The following NKAIN2 variants were observed in gnomAD, a reference collection of about 807,000 sequenced individuals.
NKAIN2 encodes the protein sodium/potassium transporting ATPase interacting 2, also known as sodium/potassium-transporting ATPase subunit beta-1-interacting protein 2.
Under a neutral mutation model 32.6 loss-of-function variants are expected in NKAIN2, and 14 were observed. The observed-to-expected ratio is 0.43, with a 90% CI of 0.28 to 0.67. The LOEUF (loss-of-function observed/expected upper bound fraction) is 0.67, where lower values mean the gene tolerates loss of function less well. Ranked by LOEUF, NKAIN2 falls within the 30% of genes least tolerant of loss-of-function variation. NKAIN2 has a pLI of 0.17. For synonymous variants in NKAIN2, 80 were observed against 87.2 expected, an observed-to-expected ratio of 0.92 and a Z score of 0.46; for missense variants, 198 against 258.3, an observed-to-expected ratio of 0.77 and a Z score of 1.60.
intron 3 of NKAIN2, among the ~76,000 whole-genome samples, chr6:124,599,254 A>G (rs914494530): frequency 7.2e-5 from 11 of 151,746 alleles, no homozygotes; most frequent in Admixed American, 3.3e-4. Context: ...ACTCAAAAAA[A>G]AAGCAATAAG....
At chr6:124,696,131 G>A (rs1034431753) in intron 4 of NKAIN2, among the ~76,000 whole-genome samples, 9 of 152,268 alleles carry the variant, frequency 5.9e-5, no homozygotes, top group African/African-American at 1.9e-4. Flanking sequence ...CTCTGTGAGA[G>A]TCTTCAGGGA....
intron 1 of NKAIN2, among the ~76,000 whole-genome samples, chr6:123,916,400 G>C (rs1288199044): frequency 6.6e-6 from 1 of 151,928 alleles, no homozygotes; most frequent in Non-Finnish European, 1.5e-5. Context: ...TTAAAGGTGG[G>C]ATTAAAGCCA....
chr6:124,773,396 G>A (rs1249654736), intron 4 of NKAIN2, among the ~76,000 whole-genome samples: 1 of 152,060 alleles, frequency 6.6e-6, no homozygotes, highest in Admixed American at 6.6e-5. Flanking sequence ...GGAAAGGAAT[G>A]GTAGAATGGG....
chr6:124,048,434 G>C (rs1782247207), intron 1 of NKAIN2, among the ~76,000 whole-genome samples: 1 of 152,020 alleles, frequency 6.6e-6, no homozygotes, highest in Non-Finnish European at 1.5e-5. Context: ...GAGATCACAT[G>C]CTTTGTGTGT....
At chr6:124,623,777 T>C (rs538472353) in intron 3 of NKAIN2, among the ~76,000 whole-genome samples, 1 of 152,292 alleles carries the variant, frequency 6.6e-6, no homozygotes, top group South Asian at 2.1e-4. Context: ...TTGTTTTCCA[T>C]GGGTACTGTT....
chr6:124,296,367 G>A (rs754873916), intron 2 of NKAIN2, among the ~76,000 whole-genome samples: 7 of 151,974 alleles, frequency 4.6e-5, no homozygotes, highest in Non-Finnish European at 1.0e-4. Flanking sequence ...GACCTTATTC[G>A]ATAGTTATGG....
intron 3 of NKAIN2, among the ~76,000 whole-genome samples, chr6:124,656,776 A>C (rs1481881394): frequency 6.6e-6 from 1 of 152,130 alleles, no homozygotes; most frequent in Non-Finnish European, 1.5e-5. Flanking sequence ...ATGACAGCCC[A>C]CATCTGCTAC....
chr6:124,079,539 T>A (rs967041505), intron 1 of NKAIN2, among the ~76,000 whole-genome samples: 1 of 152,194 alleles, frequency 6.6e-6, no homozygotes, highest in Non-Finnish European at 1.5e-5. Context: ...GAAACAAGGA[T>A]ACATTATAAC....
chr6:124,582,048 G>A (rs113502553), intron 3 of NKAIN2, among the ~76,000 whole-genome samples: 101 of 145,672 alleles, frequency 6.9e-4, no homozygotes, highest in African/African-American at 2.4e-3. Flanking sequence ...CTGAAGAGAA[G>A]ACAATAAAAA....
intron 1 of NKAIN2, among the ~76,000 whole-genome samples, chr6:124,053,234 T>G (rs1782493358): frequency 1.3e-5 from 2 of 151,950 alleles, no homozygotes; most frequent in Admixed American, 1.3e-4. Context: ...TTCCTGATCC[T>G]CTCTTAAAAT....
At chr6:124,325,259 T>C (rs1583051265) in intron 2 of NKAIN2, among the ~76,000 whole-genome samples, 2 of 152,066 alleles carry the variant, frequency 1.3e-5, no homozygotes, top group East Asian at 3.9e-4. Context: ...TTCCAGAAAA[T>C]AGAAGAGGAG....
At chr6:124,654,146 T>C (rs1295651180) in intron 3 of NKAIN2, among the ~76,000 whole-genome samples, 1 of 152,138 alleles carries the variant, frequency 6.6e-6, no homozygotes, top group Non-Finnish European at 1.5e-5. Flanking sequence ...GAGCATGATA[T>C]TTACAAAACA....
At chr6:124,211,873 T>C (rs991837975) in intron 1 of NKAIN2, among the ~76,000 whole-genome samples, 3 of 152,074 alleles carry the variant, frequency 2.0e-5, no homozygotes, top group Admixed American at 6.6e-5. Flanking sequence ...CTTTTCACCA[T>C]TTCCAAATAA....
At chr6:123,911,845 A>C (rs1163585709) in intron 1 of NKAIN2, among the ~76,000 whole-genome samples, 2 of 145,726 alleles carry the variant, frequency 1.4e-5, no homozygotes, top group Non-Finnish European at 1.5e-5. Context: ...ACACACACAC[A>C]CACACACACA....
At chr6:124,726,141 A>G (rs1047854253) in intron 4 of NKAIN2, among the ~76,000 whole-genome samples, 168 of 152,274 alleles carry the variant, frequency 1.1e-3, no homozygotes, top group Middle Eastern at 3.4e-3. Flanking sequence ...AGGGGCGCCC[A>G]CCATTGCCCA....
At position 124,604,589 on chromosome 6, in the gene NKAIN2, C is replaced by G. The variant is rs150745346; in HGVS notation, c.274-53597C>G. On this transcript the variant is annotated intron_variant, in intron 3 of 6. Transcript: ENST00000368417. ...GCTTGATAATTCTTCCTCATTATCTCCACCAGAAAAAATAAAAAATGTATT... is the reference window on the plus strand; with the variant it reads ...GCTTGATAATTCTTCCTCATTATCTGCACCAGAAAAAATAAAAAATGTATT... 7.0e-3 allele frequency among the ~76,000 whole-genome samples: 1,061 copies of G among 151,080 alleles called. 20 individuals carry two copies. The highest frequency in any genetic ancestry group is 0.024 in the African/African-American group (986 of 41,266).
chr6:123,968,965 C>T (rs1778214011), intron 1 of NKAIN2, among the ~76,000 whole-genome samples: 1 of 152,124 alleles, frequency 6.6e-6, no homozygotes. Flanking sequence ...GTGAGGAGAG[C>T]TCCATTTCTA....
At chr6:124,667,454 A>C (rs1562314657) in intron 4 of NKAIN2, among the ~76,000 whole-genome samples, 1 of 152,146 alleles carries the variant, frequency 6.6e-6, no homozygotes, top group South Asian at 2.1e-4. Flanking sequence ...TATTTCAGAA[A>C]TAAGTAAAGT....
intron 4 of NKAIN2, among the ~76,000 whole-genome samples, chr6:124,706,004 C>T (rs1775043042): frequency 6.6e-6 from 1 of 151,948 alleles, no homozygotes; most frequent in Non-Finnish European, 1.5e-5. Context: ...ATAATGATGA[C>T]AACAAAGAGA....
Sources: gnomAD v4.1 joint callset for allele counts (sites outside exome capture counted in the v4.1 genomes callset) on GRCh38, gnomAD v4.1.1 for gene constraint, MANE v1.5 for transcripts, NCBI Gene and HGNC (gene_info 2026-07-23, HGNC 2026-07-21) for gene names.